The following LHX9 variants were observed in gnomAD, a reference collection of about 807,000 sequenced individuals.
The protein encoded by LHX9 is LIM/homeobox protein Lhx9.
In LHX9, 9 loss-of-function variants were observed where a neutral mutation model predicts 36.5. The ratio of observed to expected loss-of-function variants is 0.25; its 90% confidence interval spans 0.15 to 0.43. The LOEUF is 0.43. Among genes scored for constraint, LHX9 ranks in the 20% least tolerant of loss-of-function variants. LHX9 has a pLI of 1.00. For synonymous variants in LHX9, 211 were observed against 212.1 expected (o/e 0.99, Z 0.04); for missense variants, 464 against 526.4 (o/e 0.88, Z 1.16).
At chr1:197,928,928 GA>G in intron 4 of LHX9, 73 bp from the exon 5 acceptor site, 1 of 1,335,954 alleles carries the variant, frequency 7.5e-7, no homozygotes, top group Non-Finnish European at 9.8e-7. Context: ...AAGAAAAAAA[GA>G]AAAAGTGAGA....
Position 197,925,231 on chromosome 1 carries a change from T to C in LHX9, c.734-2360T>C, listed in dbSNP as rs534257432. On this transcript the variant is annotated intron_variant, in intron 3 of 4. Coordinates refer to ENST00000367387, the MANE Select transcript of LHX9 (RefSeq NM_020204.3). ...TGAGTTTTTAATCAGCAATAATGGA[T>C]ATAGAATGCGTTTTAAGGGAAGCCA... Among the ~76,000 whole-genome samples the C allele has an allele frequency of 2.5e-3, 380 of 152,356 alleles. 3 individuals are homozygous for C. Among genetic ancestry groups the C allele is most frequent in the African/African-American group, 8.7e-3 (363 of 41,586 alleles).
rs779682874 is a variant in LHX9 at position 197,931,532 on chromosome 1, T to C, written c.*2273T>C. ...TTAACCGTACTAGTGTGTTCCAGCA[T>C]CTATATGTAAAAGCTTTTCAAATGG... is the stretch of plus-strand genomic sequence containing the variant. On this transcript the variant is annotated 3_prime_UTR_variant, in exon 5 of 5. Transcript: ENST00000367387. 21 of 164,078 alleles carry C rather than the reference T, an allele frequency of 1.3e-4. No homozygotes were observed. The highest frequency in any genetic ancestry group is 2.7e-4 in the Non-Finnish European group (20 of 75,392). The allele number at this position is 164,078 out of a possible 1,614,324, so 10.2% of individuals were successfully genotyped here.
Position 197,932,222 on chromosome 1 carries a change from C to T in LHX9, c.*2963C>T. 5.3e-6 allele frequency: 2 copies of T among 375,486 alleles called. No individual in the cohort carries two copies. The highest frequency in any genetic ancestry group is 9.6e-6 in the Non-Finnish European group (2 of 209,318). 23.3% of individuals were successfully genotyped at this position (375,486 alleles called of 1,614,324 possible). On this transcript the variant is annotated 3_prime_UTR_variant, in exon 5 of 5. Transcript: ENST00000367387. ...TAAACCATGTACAAAACCAGAGCAA[C>T]CTGGCAGTAATATGCCCACCCCATA...
rs922311175 is a variant in LHX9, at chr1:197,935,178, A to G, written c.*5919A>G. 6.6e-6 allele frequency: 1 copy of G among 152,158 alleles called. No homozygotes were observed. The highest frequency in any genetic ancestry group is 6.6e-5 in the Admixed American group (1 of 15,266). The allele number at this position is 152,158 out of a possible 1,614,324, so 9.4% of individuals were successfully genotyped here. Reference sequence around the variant, plus strand: ...ATATTAATATAGTTAACCCTCCCTTATTATGTATCATATCAATAAGTTTCT... The same window carrying G: ...ATATTAATATAGTTAACCCTCCCTTGTTATGTATCATATCAATAAGTTTCT... On this transcript the variant is annotated 3_prime_UTR_variant, in exon 5 of 5. Coordinates refer to ENST00000367387, the MANE Select transcript of LHX9 (RefSeq NM_020204.3).
chr1:197,924,780 G>T (rs1263887093), intron 3 of LHX9, among the ~76,000 whole-genome samples: 1 of 152,138 alleles, frequency 6.6e-6, no homozygotes, highest in African/African-American at 2.4e-5. Context: ...ACTTTAGGAT[G>T]GGTGCCCATC....
intron 4 of LHX9, among the ~76,000 whole-genome samples, chr1:197,928,244 A>T (rs1029964970): frequency 7.9e-5 from 12 of 152,204 alleles, no homozygotes; most frequent in African/African-American, 2.9e-4. Flanking sequence ...TGAAAAGCCA[A>T]AAGTATGGTT....
chr1:197,921,623 C>A lies in LHX9; in HGVS notation c.697C>A (p.Pro233Thr). 5.6e-6 allele frequency: 9 copies of A among 1,600,094 alleles called. No individual in the cohort carries two copies. The highest frequency in any genetic ancestry group is 7.7e-6 in the Non-Finnish European group (9 of 1,175,830). The change falls in exon 3 of 5, where the codon CCA (proline) becomes ACA (threonine). Residue 233 changes from proline to threonine, a missense_variant. Transcript: ENST00000367387. This position sits in a 1 kb window ranked among gnomAD's most constrained non-coding sequence, Gnocchi z 4.6. Reference sequence around the variant, plus strand: ...AGGGCGGCCCCGGAAGCGGAAGAGCCCAGCGCTGGGAGTGGACATCGTCAA... The same window carrying A: ...AGGGCGGCCCCGGAAGCGGAAGAGCACAGCGCTGGGAGTGGACATCGTCAA... ...QKGRPRKRKSPALGVDIVNYN... is the reference protein window; with the variant it reads ...QKGRPRKRKSTALGVDIVNYN...
In LHX9 at chr1:197,931,827, A is replaced by T. The variant is rs1571410261; in HGVS notation, c.*2568A>T. 3 of 864,492 alleles carry T rather than the reference A, an allele frequency of 3.5e-6. No homozygotes were observed. In the East Asian group the frequency reaches 8.0e-5, roughly 23 times the overall value. The allele number at this position is 864,492 out of a possible 1,614,324, so 53.6% of individuals were successfully genotyped here. Reference sequence around the variant, plus strand: ...ATTTCATGTTAGGTCTATTGAGCACAAATGGATATTTGTAAATCTAAATAG... The same window carrying T: ...ATTTCATGTTAGGTCTATTGAGCACTAATGGATATTTGTAAATCTAAATAG... On this transcript the variant is annotated 3_prime_UTR_variant, in exon 5 of 5. Transcript: ENST00000367387.
intron 3 of LHX9, among the ~76,000 whole-genome samples, chr1:197,924,163 G>A (rs527995814): frequency 2.0e-5 from 3 of 152,192 alleles, no homozygotes; most frequent in East Asian, 3.9e-4. Context: ...AATTAAACAC[G>A]CGTTAAAATG....
chr1:197,926,203 G>A (rs1257644988), intron 3 of LHX9, among the ~76,000 whole-genome samples: 1 of 152,190 alleles, frequency 6.6e-6, no homozygotes, highest in East Asian at 1.9e-4. Context: ...AGCCTAGCAG[G>A]CAGATAACAT....
intron 1 of LHX9, chr1:197,918,470 A>C (rs1659851976): frequency 1.4e-6 from 1 of 696,764 alleles, no homozygotes; most frequent in Non-Finnish European, 2.7e-6. Flanking sequence ...TTCCGACGCG[A>C]CTGGGTCATT....
At position 197,917,954 on chromosome 1, in the gene LHX9, AGGCCCGTCT is replaced by A; in HGVS notation, c.136_144del (p.Arg46_Ala48del). 1 of 1,614,102 alleles carries A rather than the reference AGGCCCGTCT, an allele frequency of 6.2e-7. No individual in the cohort carries two copies. Among genetic ancestry groups the A allele is most frequent in the Non-Finnish European group, 8.5e-7 (1 of 1,179,968 alleles). ...GAGATGGAGCGCAGATCCAAGACTGAGGCCCGTCTGGCCAAAGGCGCCCAGCTCAACGGC... is the reference window on the plus strand; with the variant it reads ...GAGATGGAGCGCAGATCCAAGACTGAGGCCAAAGGCGCCCAGCTCAACGGC... On this transcript the variant is annotated inframe_deletion, in exon 1 of 5. Coordinates refer to ENST00000367387, the MANE Select transcript of LHX9 (RefSeq NM_020204.3).
intron 4 of LHX9, 69 bp from the exon 5 acceptor site, chr1:197,928,933 A>T: frequency 7.0e-7 from 1 of 1,419,844 alleles, no homozygotes; most frequent in Non-Finnish European, 9.3e-7. Flanking sequence ...AAAAAGAAAA[A>T]GTGAGAGAGA....
rs115933397 is a variant in LHX9, at chr1:197,920,847, T to C, written c.378-457T>C. ...AAGTTGTTAAAAAAATAATAACCTT[T>C]CCTTTACAAAATCGTCATCTTCCAG... is the stretch of plus-strand genomic sequence containing the variant. On this transcript the variant is annotated intron_variant, in intron 2 of 4. Transcript: ENST00000367387. 2.3e-3 allele frequency among the ~76,000 whole-genome samples: 345 copies of C among 152,276 alleles called. 3 individuals carry two copies. The highest frequency in any genetic ancestry group is 8.1e-3 in the African/African-American group (335 of 41,552).
At position 197,933,325 on chromosome 1, in the gene LHX9, T is replaced by A. The variant is rs1251930108; in HGVS notation, c.*4066T>A. On this transcript the variant is annotated 3_prime_UTR_variant, in exon 5 of 5. Transcript: ENST00000367387. ...TTCTTAAATGCTTTCACTTCCTGAA[T>A]AATAAAAAGAAAAAATTTTAAAGAA... The A allele has an allele frequency of 1.3e-5, 2 of 151,930 alleles. No individual in the cohort carries two copies. Among genetic ancestry groups the A allele is most frequent in the Non-Finnish European group, 2.9e-5 (2 of 67,934 alleles). 9.4% of individuals were successfully genotyped at this position (151,930 alleles called of 1,614,324 possible). A position where few individuals can be genotyped will look rare whatever the true frequency, so the allele number is the denominator to read the frequency against.
At chr1:197,922,054 A>G (rs1394026451) in intron 3 of LHX9, among the ~76,000 whole-genome samples, 1 of 62,792 alleles carries the variant, frequency 1.6e-5, no homozygotes, top group Admixed American at 1.4e-4. Context: ...AATACTGAAG[A>G]AAAAAAAAAA....
chr1:197,914,403 T>TTC (rs972794557), upstream of LHX9, among the ~76,000 whole-genome samples: 1 of 150,000 alleles, frequency 6.7e-6, no homozygotes, highest in African/African-American at 2.5e-5. Flanking sequence ...GGGGGAACAT[T>TTC]TTTTTTTTTG....
upstream of LHX9, chr1:197,912,573 C>A (rs779369463): frequency 6.2e-7 from 1 of 1,613,856 alleles, no homozygotes; most frequent in Non-Finnish European, 8.5e-7. Context: ...AGTTATGTGC[C>A]AGGTTCCTTC....
In LHX9 at chr1:197,935,239, A is replaced by G. The variant is rs1045667007; in HGVS notation, c.*5980A>G. On this transcript the variant is annotated 3_prime_UTR_variant, in exon 5 of 5. Coordinates refer to ENST00000367387, the MANE Select transcript of LHX9 (RefSeq NM_020204.3). ...ATTAATTTTTGCTTCTTTGCATTAC[A>G]TTTTATCTTGTGCTAAGATAACAAA... 1.3e-5 allele frequency: 2 copies of G among 152,160 alleles called. No individual in the cohort carries two copies. The highest frequency in any genetic ancestry group is 2.9e-5 in the Non-Finnish European group (2 of 68,014). The allele number at this position is 152,160 out of a possible 1,614,324, so 9.4% of individuals were successfully genotyped here.
Sources: gnomAD v4.1 joint callset for allele counts (sites outside exome capture counted in the v4.1 genomes callset) on GRCh38, gnomAD v4.1.1 for gene constraint, Gnocchi (gnomAD v3.1) non-coding constraint, MANE v1.5 for transcripts, NCBI Gene and HGNC (gene_info 2026-07-23, HGNC 2026-07-21) for gene names.